RUNX1: variants seen among roughly 807,000 people sequenced by gnomAD.
RUNX1 encodes the protein RUNX family transcription factor 1.
RUNX1 carries 19 observed loss-of-function variants against 42.8 expected under a neutral mutation model. That is an observed-to-expected ratio of 0.44 (90% CI 0.31 to 0.65). The LOEUF is 0.65. Among genes scored for constraint, RUNX1 ranks in the 30% least tolerant of loss-of-function variants. The pLI, the probability that RUNX1 is intolerant of heterozygous loss-of-function variation, is 0.07. For synonymous variants in RUNX1, 271 were observed against 289.4 expected (o/e 0.94, Z 0.64); for missense variants, 528 against 672.0 (o/e 0.79, Z 2.37).
At chr21:34,893,725 G>A (rs1341322589) in intron 2 of RUNX1, among the ~76,000 whole-genome samples, 2 of 150,994 alleles carry the variant, frequency 1.3e-5, no homozygotes, top group Non-Finnish European at 2.9e-5. Context: ...TTCAAATGCT[G>A]CAGACCTAAA....
At position 34,835,188 on chromosome 21, in the gene RUNX1, C is replaced by T. The variant is rs555852218; in HGVS notation, c.614-587G>A. ...TACACGCAGGGCATCCTCAGCCCCTCAGCCCCTCTCCCTCTCCCTCTCCTC... is the reference window on the plus strand; with the variant it reads ...TACACGCAGGGCATCCTCAGCCCCTTAGCCCCTCTCCCTCTCCCTCTCCTC... On this transcript the variant is annotated intron_variant, in intron 6 of 8. Coordinates refer to ENST00000675419, the MANE Select transcript of RUNX1 (RefSeq NM_001754.5). Among the ~76,000 whole-genome samples, 18 of 152,260 alleles carry T rather than the reference C, an allele frequency of 1.2e-4. No individual in the cohort carries two copies. In the South Asian group the frequency reaches 3.7e-3, roughly 32 times the overall value.
Position 34,799,560 on chromosome 21 carries a change from C to T in RUNX1, c.806-98G>A, listed in dbSNP as rs533309340. The T allele has an allele frequency of 1.0e-5, 11 of 1,073,162 alleles. No homozygotes were observed. The South Asian group carries it at 1.5e-4, about 15-fold the overall frequency. 66.5% of individuals were successfully genotyped at this position (1,073,162 alleles called of 1,614,324 possible). On this transcript the variant is annotated intron_variant, in intron 7 of 8. Coordinates refer to ENST00000675419, the MANE Select transcript of RUNX1 (RefSeq NM_001754.5). ...GAGTGGCCCTTGTTCAAATATGTCACATACATGTATGTGGCCTATGTACCA... is the reference window on the plus strand; with the variant it reads ...GAGTGGCCCTTGTTCAAATATGTCATATACATGTATGTGGCCTATGTACCA...
At chr21:34,831,040 C>T (rs1008297221) in intron 7 of RUNX1, among the ~76,000 whole-genome samples, 2 of 152,142 alleles carry the variant, frequency 1.3e-5, no homozygotes, top group Non-Finnish European at 2.9e-5. Flanking sequence ...CCAAACCCAT[C>T]TCTAGGTGGG....
At chr21:34,954,256 A>T (rs2051179) in intron 2 of RUNX1, among the ~76,000 whole-genome samples, 85,836 of 152,020 alleles carry the variant, frequency 0.56, 24,820 homozygotes, top group African/African-American at 0.7. Context: ...TCCTACAGTC[A>T]TAGGCCTGGG....
intron 2 of RUNX1, among the ~76,000 whole-genome samples, chr21:34,947,985 CA>C (rs2058577036): frequency 6.6e-6 from 1 of 152,138 alleles, no homozygotes; most frequent in South Asian, 2.1e-4. Flanking sequence ...CCCCAGCACC[CA>C]GTCAGCTCCC....
chr21:35,041,525 C>T (rs778453170), intron 2 of RUNX1, among the ~76,000 whole-genome samples: 2 of 152,136 alleles, frequency 1.3e-5, no homozygotes, highest in African/African-American at 2.4e-5. Flanking sequence ...ACAAAATCAA[C>T]AATTCTCTAA....
At chr21:34,856,191 C>T in intron 6 of RUNX1, 1 of 368,128 alleles carries the variant, frequency 2.7e-6, no homozygotes, top group South Asian at 2.0e-5. Flanking sequence ...TGTGGCACAG[C>T]TTCTCATTCT....
chr21:34,830,164 C>T (rs1242071356), intron 7 of RUNX1, among the ~76,000 whole-genome samples: 3 of 152,146 alleles, frequency 2.0e-5, no homozygotes, highest in South Asian at 2.1e-4. Context: ...AAGTGAGGCA[C>T]GCATACTCAT....
At chr21:35,035,718 G>T (rs1019203318) in intron 2 of RUNX1, among the ~76,000 whole-genome samples, 1 of 152,176 alleles carries the variant, frequency 6.6e-6, no homozygotes, top group Non-Finnish European at 1.5e-5. Context: ...GAGGACACGG[G>T]ACAGCACTAA....
chr21:34,829,483 G>A (rs982018895), intron 7 of RUNX1, among the ~76,000 whole-genome samples: 3 of 151,870 alleles, frequency 2.0e-5, no homozygotes, highest in African/African-American at 4.8e-5. Flanking sequence ...ATTTATTCCT[G>A]TGAACACCTG....
At chr21:34,930,560 C>T (rs9982365) in intron 2 of RUNX1, among the ~76,000 whole-genome samples, 12,239 of 151,644 alleles carry the variant, frequency 0.081, 689 homozygotes, top group African/African-American at 0.15. Context: ...CTAGTGGCCG[C>T]CATATTAGGC....
At chr21:34,912,348 C>CCCGTCCTCTCTGTTTTG (rs1156627630) in intron 2 of RUNX1, among the ~76,000 whole-genome samples, 2 of 151,678 alleles carry the variant, frequency 1.3e-5, no homozygotes, top group Non-Finnish European at 2.9e-5. Context: ...ATCTCCATCA[C>CCCGTCCTCTCTGTTTTG]CCGTCCTCTC....
intron 2 of RUNX1, among the ~76,000 whole-genome samples, chr21:35,032,098 C>G (rs543857418): frequency 1.9e-4 from 29 of 152,284 alleles, no homozygotes; most frequent in African/African-American, 6.7e-4. Context: ...TCAGGAGCAC[C>G]AGCTCCTACA....
intron 5 of RUNX1, among the ~76,000 whole-genome samples, chr21:34,871,424 G>A (rs972604504): frequency 2.0e-5 from 3 of 152,144 alleles, no homozygotes; most frequent in East Asian, 1.9e-4. Flanking sequence ...AAAATTAGGC[G>A]TGAGGGTCCC....
At chr21:34,984,948 G>C (rs2146804584) in intron 2 of RUNX1, among the ~76,000 whole-genome samples, 1 of 152,320 alleles carries the variant, frequency 6.6e-6, no homozygotes, top group South Asian at 2.1e-4. Context: ...ATGGGGGTCA[G>C]GGCTGGCAGC....
intron 2 of RUNX1, among the ~76,000 whole-genome samples, chr21:35,023,104 G>A (rs913732023): frequency 6.6e-6 from 1 of 151,612 alleles, no homozygotes; most frequent in Admixed American, 6.6e-5. Context: ...CACCATTCCT[G>A]GAAAATTTTT....
chr21:34,906,243 T>C (rs753282253), intron 2 of RUNX1, among the ~76,000 whole-genome samples: 1 of 152,220 alleles, frequency 6.6e-6, no homozygotes, highest in Non-Finnish European at 1.5e-5. Context: ...ATTTGGGTTA[T>C]GCTGGGTTTT....
At chr21:34,801,206 T>A (rs2056602755) in intron 7 of RUNX1, among the ~76,000 whole-genome samples, 1 of 152,046 alleles carries the variant, frequency 6.6e-6, no homozygotes, top group Admixed American at 6.6e-5. Context: ...AATACTTTAA[T>A]CATTTTAAAA....
chr21:35,021,918 G>A (rs1039600616), intron 2 of RUNX1, among the ~76,000 whole-genome samples: 11 of 152,224 alleles, frequency 7.2e-5, no homozygotes, highest in African/African-American at 2.4e-4. Context: ...GCAGATAGAA[G>A]CTCAGAGCTC....
Sources: gnomAD v4.1 joint callset for allele counts (sites outside exome capture counted in the v4.1 genomes callset) on GRCh38, gnomAD v4.1.1 for gene constraint, MANE v1.5 for transcripts, NCBI Gene and HGNC (gene_info 2026-07-23, HGNC 2026-07-21) for gene names.